The following HSPH1 variants were observed in gnomAD, a reference collection of about 807,000 sequenced individuals.
HSPH1 encodes the protein heat shock protein family H (Hsp110) member 1, also known as heat shock protein 105 kDa.
In HSPH1, 40 loss-of-function variants were observed where a neutral mutation model predicts 100.0. The observed-to-expected ratio is 0.40, with a 90% CI of 0.31 to 0.52. HSPH1 has a LOEUF of 0.52. Among genes scored for constraint, HSPH1 ranks in the 20% least tolerant of loss-of-function variants. The pLI, the probability that HSPH1 is intolerant of heterozygous loss-of-function variation, is 0.54. For synonymous variants in HSPH1, 403 were observed against 344.0 expected (o/e 1.17, Z -1.90); for missense variants, 876 against 1,015.1 (o/e 0.86, Z 1.86).
rs1956074913 is a variant in HSPH1 at position 31,141,152 on chromosome 13, T to C, written c.1824A>G (p.Lys608=). The change falls in exon 13 of 18, where the codon AAA becomes AAG. Residue 608 remains lysine (K), a synonymous_variant. Coordinates refer to ENST00000320027, the MANE Select transcript of HSPH1 (RefSeq NM_006644.4). The part of the protein sequence containing the change: ...IEANLVWQLG[K]DLLNMYIETE... ...TCTCAATATACATGTTAAGAAGGTCTTTCCCTAACTGCCAGACCAAGTTGG... is the reference window on the plus strand; with the variant it reads ...TCTCAATATACATGTTAAGAAGGTCCTTCCCTAACTGCCAGACCAAGTTGG... 1 of 1,605,022 alleles carries C rather than the reference T, an allele frequency of 6.2e-7. No homozygotes were observed. The highest frequency in any genetic ancestry group is 8.5e-7 in the Non-Finnish European group (1 of 1,174,540).
intron 5 of HSPH1, 46 bp from the exon 6 acceptor site, chr13:31,151,788 A>T: frequency 6.5e-7 from 1 of 1,537,690 alleles, no homozygotes. Flanking sequence ...ACATTTTCTT[A>T]GGAATCTCAC....
At chr13:31,144,137 A>G (rs543732381) in intron 11 of HSPH1, among the ~76,000 whole-genome samples, 11 of 152,198 alleles carry the variant, frequency 7.2e-5, no homozygotes, top group Non-Finnish European at 1.6e-4. Flanking sequence ...ACAGTAGTTA[A>G]TATCGTTAAA....
At chr13:31,140,650 A>G (rs568203745) in intron 13 of HSPH1, 95 of 184,218 alleles carry the variant, frequency 5.2e-4, no homozygotes, top group African/African-American at 2.0e-3. Context: ...TGGCCAATGT[A>G]TAACAGTCAC....
chr13:31,147,974 G>T lies in HSPH1; in HGVS notation c.1363C>A (p.Pro455Thr), dbSNP rs1459810250. The T allele has an allele frequency of 1.9e-6, 3 of 1,590,748 alleles. No individual in the cohort carries two copies. The highest frequency in any genetic ancestry group is 2.6e-6 in the Non-Finnish European group (3 of 1,173,600). ...FYSDPQGVPY[P>T]EAKIGRFVVQ... is the part of the protein sequence containing the mutation. ...AACTCCTTACCTATTTTTGCTTCTG[G>T]ATATGGAACTCCTTGGGGATCAGAA... is the stretch of plus-strand genomic sequence containing the variant. Residue 455 changes from proline to threonine, a missense_variant, in exon 10 of 18, where the codon CCA becomes ACA. Coordinates refer to ENST00000320027, the MANE Select transcript of HSPH1 (RefSeq NM_006644.4).
chr13:31,150,874 C>A, intron 7 of HSPH1, 73 bp downstream of exon 7: 1 of 1,436,920 alleles, frequency 7.0e-7, no homozygotes. Flanking sequence ...TCACAACACC[C>A]ACTAGAACTG....
At chr13:31,162,038 C>T, upstream of HSPH1, 1 of 1,536,170 alleles carries the variant, frequency 6.5e-7, no homozygotes, top group Non-Finnish European at 8.7e-7. Context: ...CTCGAGCCTT[C>T]TGGAAAGATT....
chr13:31,140,326 A>C lies in HSPH1; in HGVS notation c.1855-17T>G. On this transcript the variant is annotated splice_polypyrimidine_tract_variant and intron_variant, in intron 13 of 17. Coordinates refer to ENST00000320027, the MANE Select transcript of HSPH1 (RefSeq NM_006644.4). Reference sequence around the variant, plus strand: ...CATCTTACCCTGTCAGGAAACAGGAAAGGTTAATTCCAGTCTTCTAGTTAA... The same window carrying C: ...CATCTTACCCTGTCAGGAAACAGGACAGGTTAATTCCAGTCTTCTAGTTAA... The C allele has an allele frequency of 1.2e-6, 2 of 1,605,298 alleles. No individual in the cohort carries two copies. The highest frequency in any genetic ancestry group is 1.7e-6 in the Non-Finnish European group (2 of 1,176,392).
intron 11 of HSPH1, among the ~76,000 whole-genome samples, chr13:31,144,226 T>C (rs1956194972): frequency 6.6e-6 from 1 of 152,140 alleles, no homozygotes; most frequent in Non-Finnish European, 1.5e-5. Flanking sequence ...TCTAAGTTAG[T>C]ACAGATATTA....
chr13:31,138,383 T>G (rs779659197), intron 17 of HSPH1, 24 bp downstream of exon 17: 1 of 1,607,924 alleles, frequency 6.2e-7, no homozygotes, highest in South Asian at 1.1e-5. Flanking sequence ...AACCCAGCAG[T>G]AAACACGAGA....
rs145247962 is a variant in HSPH1 at position 31,161,523 on chromosome 13, G to A, written c.60C>T (p.Ala20=). Residue 20 remains alanine (A), a synonymous_variant, in exon 1 of 18, where the codon GCC becomes GCT. Transcript: ENST00000320027. The part of the protein sequence containing the change: ...SQSCYIAVAR[A]GGIETIANEF... ...CATTGGCGATGGTCTCGATGCCCCCGGCCCGGGCTACCGCGATGTAGCAGC... is the reference window on the plus strand; with the variant it reads ...CATTGGCGATGGTCTCGATGCCCCCAGCCCGGGCTACCGCGATGTAGCAGC... The A allele has an allele frequency of 2.2e-4, 357 of 1,613,782 alleles. No individual in the cohort carries two copies. The highest frequency in any genetic ancestry group is 2.9e-4 in the Non-Finnish European group (339 of 1,179,910).
At chr13:31,149,854 T>A in intron 8 of HSPH1, 100 bp downstream of exon 8, 2 of 904,024 alleles carry the variant, frequency 2.2e-6, no homozygotes, top group Non-Finnish European at 3.6e-6. Flanking sequence ...GTCCTTCTGC[T>A]ACCTAGACAC....
At chr13:31,143,658 G>GA in intron 12 of HSPH1, 134 bp downstream of exon 12, 1 of 800,884 alleles carries the variant, frequency 1.2e-6, no homozygotes, top group Non-Finnish European at 1.8e-6. Context: ...AAAATACATA[G>GA]AAAATCAACA....
intron 1 of HSPH1, among the ~76,000 whole-genome samples, chr13:31,159,818 G>A (rs968570538): frequency 6.6e-6 from 1 of 152,028 alleles, no homozygotes; most frequent in African/African-American, 2.4e-5. Context: ...TATTATCTGA[G>A]CAAGTGTTAA....
rs1235682215 is a variant in HSPH1 at position 31,137,311 on chromosome 13, A to C, written c.*7T>G. 2.6e-6 allele frequency: 4 copies of C among 1,561,400 alleles called. No homozygotes were observed. Among genetic ancestry groups the C allele is most frequent in the Admixed American group, 3.4e-5 (2 of 58,186 alleles). On this transcript the variant is annotated 3_prime_UTR_variant, in exon 18 of 18. Transcript: ENST00000320027. Reference sequence around the variant, plus strand: ...TTAATTGAAGGAATAGGCCAATTTAAGGTTATCTAGTCCAAGTCCATATTA... The same window carrying C: ...TTAATTGAAGGAATAGGCCAATTTACGGTTATCTAGTCCAAGTCCATATTA...
intron 17 of HSPH1, 45 bp from the exon 18 acceptor site, chr13:31,137,569 C>T (rs377341710): frequency 3.3e-4 from 477 of 1,449,838 alleles, no homozygotes; most frequent in Non-Finnish European, 4.1e-4. Flanking sequence ...CAGATCCATC[C>T]AGTTCATTTT....
chr13:31,139,240 T>TA (rs1243207833), intron 14 of HSPH1, 133 bp from the exon 15 acceptor site: 5 of 630,004 alleles, frequency 7.9e-6, no homozygotes, highest in Non-Finnish European at 1.1e-5. Context: ...TCTGCCTTGT[T>TA]ACACAGAGAC....
chr13:31,161,633 C>A lies in HSPH1; in HGVS notation c.-51G>T. 1.9e-6 allele frequency: 3 copies of A among 1,602,794 alleles called. No individual in the cohort carries two copies. The highest frequency in any genetic ancestry group is 1.3e-5 in the African/African-American group (1 of 74,958). On this transcript the variant is annotated 5_prime_UTR_variant, in exon 1 of 18. Coordinates refer to ENST00000320027, the MANE Select transcript of HSPH1 (RefSeq NM_006644.4). ...TCGGGTCTCGGTCTGCGTCCTCCGG[C>A]CCCCTGCCTGCTTCTCCTGCCGCCG...
intron 1 of HSPH1, among the ~76,000 whole-genome samples, chr13:31,159,335 G>A (rs1026610678): frequency 2.0e-5 from 3 of 152,072 alleles, no homozygotes; most frequent in East Asian, 1.9e-4. Context: ...GCAAGCAAAT[G>A]AACCCAAGTT....
chr13:31,161,446 T>C (rs766848347), intron 1 of HSPH1, 30 bp downstream of exon 1: 5 of 1,612,738 alleles, frequency 3.1e-6, no homozygotes, highest in South Asian at 2.2e-5. Context: ...CAGAACCTCC[T>C]CCCATCCACC....
Sources: allele counts gnomAD v4.1 joint callset (sites outside exome capture counted in the v4.1 genomes callset), GRCh38; gene constraint gnomAD v4.1.1; transcripts MANE v1.5; gene names NCBI Gene and HGNC (gene_info 2026-07-23, HGNC 2026-07-21).